Variants in DCAF10 observed in about 807,000 individuals in gnomAD.
DCAF10 encodes DDB1- and CUL4-associated factor 10.
In DCAF10, 19 loss-of-function variants were observed where a neutral mutation model predicts 51.9. That is an observed-to-expected ratio of 0.37 (90% CI 0.26 to 0.54). The LOEUF is 0.54. DCAF10 is among the 20% of genes least tolerant of loss of function. DCAF10 has a pLI of 0.87. For missense variants in DCAF10, 510 were observed against 730.6 expected, an observed-to-expected ratio of 0.70 and a Z score of 3.48; for synonymous variants, 291 against 297.1, an observed-to-expected ratio of 0.98 and a Z score of 0.21.
intron 5 of DCAF10, among the ~76,000 whole-genome samples, chr9:37,858,751 G>C (rs1055567749): frequency 1.3e-5 from 2 of 152,224 alleles, no homozygotes; most frequent in African/African-American, 4.8e-5. Context: ...TATAATAGCT[G>C]TATAGAGCAG....
chr9:37,843,472 A>T (rs1342929639), intron 3 of DCAF10, among the ~76,000 whole-genome samples: 1 of 152,216 alleles, frequency 6.6e-6, no homozygotes, highest in Non-Finnish European at 1.5e-5. Context: ...TTGTTTACTA[A>T]AATTTAGAAA....
At chr9:37,808,497 A>G (rs1475830587) in intron 1 of DCAF10, among the ~76,000 whole-genome samples, 3 of 126,630 alleles carry the variant, frequency 2.4e-5, no homozygotes, top group Non-Finnish European at 4.7e-5. Context: ...ATATATAAAT[A>G]TATAAAACAT....
chr9:37,833,816 G>A (rs1420080653), intron 2 of DCAF10, among the ~76,000 whole-genome samples: 2 of 152,144 alleles, frequency 1.3e-5, no homozygotes, highest in Non-Finnish European at 2.9e-5. Flanking sequence ...CCCACATATC[G>A]AAGGATTTGT....
chr9:37,801,429 G>T lies in DCAF10; in HGVS notation c.539+24G>T. ...GGGTAAGCGCGGCCCCTCGGAGGGC[G>T]GGCGCCCGCCTCCGCCCGGCTCTGC... On this transcript the variant is annotated intron_variant, in intron 1 of 6. Coordinates refer to ENST00000377724, the MANE Select transcript of DCAF10 (RefSeq NM_024345.5). This position sits in a 1 kb window ranked among gnomAD's most constrained non-coding sequence, Gnocchi z 5.5. 7.0e-7 allele frequency: 1 copy of T among 1,423,344 alleles called. No individual in the cohort carries two copies. The highest frequency in any genetic ancestry group is 1.6e-5 in the South Asian group (1 of 63,010). The allele number at this position is 1,423,344 out of a possible 1,614,324, so 88.2% of individuals were successfully genotyped here. A position where few individuals can be genotyped will look rare whatever the true frequency, so the allele number is the denominator to read the frequency against.
chr9:37,818,468 A>G (rs1589084364), intron 1 of DCAF10, among the ~76,000 whole-genome samples: 2 of 152,266 alleles, frequency 1.3e-5, no homozygotes, highest in South Asian at 2.1e-4. Flanking sequence ...AGGGCCCACA[A>G]AAAACTTATA....
chr9:37,836,025 C>A, intron 2 of DCAF10: 1 of 1,029,702 alleles, frequency 9.7e-7, no homozygotes, highest in Non-Finnish European at 1.5e-6. Context: ...CGGCCCCAAA[C>A]GCCGTCCGCG....
At position 37,800,939 on chromosome 9, in the gene DCAF10, C is replaced by A; in HGVS notation, c.73C>A (p.His25Asn). 6 of 1,497,380 alleles carry A rather than the reference C, an allele frequency of 4.0e-6. No individual in the cohort carries two copies. The highest frequency in any genetic ancestry group is 5.3e-6 in the Non-Finnish European group (6 of 1,130,624). The allele number at this position is 1,497,380 out of a possible 1,614,324, so 92.8% of individuals were successfully genotyped here. A position where few individuals can be genotyped will look rare whatever the true frequency, so the allele number is the denominator to read the frequency against. Residue 25 changes from histidine (H) to asparagine (N), a missense_variant, in exon 1 of 7, where the codon CAC (histidine) becomes AAC (asparagine). His to Asn is a moderately conservative substitution (Grantham distance 68, BLOSUM62 1). Coordinates refer to ENST00000377724, the MANE Select transcript of DCAF10 (RefSeq NM_024345.5). ...AGAGAEEPTP[H>N]EGQAAATGPP... ...AGCCGGGGCTGAGGAGCCGACGCCC[C>A]ACGAGGGGCAGGCAGCAGCCACCGG...
rs563777135 is a variant in DCAF10, at chr9:37,850,482, C to T, written c.852-4298C>T. Among the ~76,000 whole-genome samples, 9 of 152,058 alleles carry T rather than the reference C, an allele frequency of 5.9e-5. No individual in the cohort carries two copies. The South Asian group carries it at 1.0e-3, about 18-fold the overall frequency. On this transcript the variant is annotated intron_variant, in intron 3 of 6. Transcript: ENST00000377724. ...GGAAATTTTGTCATTTGCGACAATA[C>T]GAATGAGCCTGGAGGACATTATATT...
At chr9:37,822,963 T>A (rs963180730) in intron 2 of DCAF10, among the ~76,000 whole-genome samples, 1 of 152,064 alleles carries the variant, frequency 6.6e-6, no homozygotes, top group African/African-American at 2.4e-5. Context: ...CAAGACTCTA[T>A]CCTTATAAAA....
Position 37,801,508 on chromosome 9 carries a change from G to T in DCAF10, c.539+103G>T. 1 of 1,303,540 alleles carries T rather than the reference G, an allele frequency of 7.7e-7. No homozygotes were observed. The highest frequency in any genetic ancestry group is 9.8e-7 in the Non-Finnish European group (1 of 1,017,430). The allele number at this position is 1,303,540 out of a possible 1,614,324, so 80.7% of individuals were successfully genotyped here. A position where few individuals can be genotyped will look rare whatever the true frequency, so the allele number is the denominator to read the frequency against. On this transcript the variant is annotated intron_variant, in intron 1 of 6. Transcript: ENST00000377724. This position sits in a 1 kb window ranked among gnomAD's most constrained non-coding sequence, Gnocchi z 5.5. ...TCCCCGCGCCCGGGCCGAGGTTAGCGAGGCCGTTTGGGGCCGCTGGCCTTC... is the reference window on the plus strand; with the variant it reads ...TCCCCGCGCCCGGGCCGAGGTTAGCTAGGCCGTTTGGGGCCGCTGGCCTTC...
rs1831064268 is a variant in DCAF10, at chr9:37,863,302, G to C, written c.*1794G>C. 7.3e-6 allele frequency: 1 copy of C among 137,298 alleles called. No individual in the cohort carries two copies. Among genetic ancestry groups the C allele is most frequent in the Non-Finnish European group, 1.5e-5 (1 of 65,324 alleles). The allele number at this position is 137,298 out of a possible 1,614,324, so 8.5% of individuals were successfully genotyped here. On this transcript the variant is annotated 3_prime_UTR_variant, in exon 7 of 7. Coordinates refer to ENST00000377724, the MANE Select transcript of DCAF10 (RefSeq NM_024345.5). ...GATTGCACCACTGCACTCCAGCCTA[G>C]GCGACAGAGCGAGACTCTGTCTCAA...
intron 2 of DCAF10, among the ~76,000 whole-genome samples, chr9:37,835,576 C>CA (rs1005624842): frequency 5.2e-4 from 74 of 141,784 alleles, no homozygotes; most frequent in South Asian, 3.4e-3. Context: ...AGACTCCGTC[C>CA]AAAAAAAAAA....
chr9:37,844,529 T>A (rs1260990882), intron 3 of DCAF10, among the ~76,000 whole-genome samples: 1 of 152,206 alleles, frequency 6.6e-6, no homozygotes, highest in Non-Finnish European at 1.5e-5. Context: ...CTGGCACCTG[T>A]AATCCCAGCT....
intron 2 of DCAF10, chr9:37,836,115 G>A: frequency 7.7e-7 from 1 of 1,295,614 alleles, no homozygotes; most frequent in Non-Finnish European, 1.1e-6. Context: ...CTCTATTAAA[G>A]TACACGAACC....
chr9:37,822,806 A>G (rs1254059808), intron 2 of DCAF10, among the ~76,000 whole-genome samples: 2 of 152,086 alleles, frequency 1.3e-5, no homozygotes, highest in African/African-American at 4.8e-5. Flanking sequence ...ATAAAATAAA[A>G]CTAAAAAAAA....
intron 3 of DCAF10, among the ~76,000 whole-genome samples, chr9:37,852,930 T>TTATATATATATATATATATA (rs59469290): frequency 1.4e-4 from 15 of 109,790 alleles, no homozygotes; most frequent in East Asian, 4.3e-4. Context: ...GTATGTGAGG[T>TTATATATATATATATATATA]TATATATATA....
In DCAF10 at chr9:37,805,253, G is replaced by A. The variant is rs1014332552; in HGVS notation, c.539+3848G>A. Among the ~76,000 whole-genome samples, 8 of 152,202 alleles carry A rather than the reference G, an allele frequency of 5.3e-5. 1 individual carries two copies. The highest frequency in any genetic ancestry group is 4.2e-4 in the South Asian group (2 of 4,816). On this transcript the variant is annotated intron_variant, in intron 1 of 6. Coordinates refer to ENST00000377724, the MANE Select transcript of DCAF10 (RefSeq NM_024345.5). ...TCCCAGCACTTTGGGAGGCCGAGGC[G>A]GGCGGATCACTTGAGGTCAGGAGTG...
intron 1 of DCAF10, among the ~76,000 whole-genome samples, chr9:37,815,382 C>T (rs1486376150): frequency 3.9e-5 from 6 of 152,174 alleles, no homozygotes; most frequent in East Asian, 1.9e-4. Context: ...TGGTGGCTCA[C>T]GCCTGTAATC....
chr9:37,831,444 C>T (rs907514923), intron 2 of DCAF10, among the ~76,000 whole-genome samples: 1 of 152,080 alleles, frequency 6.6e-6, no homozygotes, highest in African/African-American at 2.4e-5. Context: ...AAGAGATTTG[C>T]CCAAGTTCTT....
Sources: gnomAD v4.1 joint callset for allele counts (sites outside exome capture counted in the v4.1 genomes callset) on GRCh38, gnomAD v4.1.1 for gene constraint, Gnocchi (gnomAD v3.1) non-coding constraint, MANE v1.5 for transcripts, NCBI Gene and HGNC (gene_info 2026-07-23, HGNC 2026-07-21) for gene names.